The following CREB3L1 variants were observed in gnomAD, a reference collection of about 807,000 sequenced individuals.
CREB3L1 encodes the protein cyclic AMP-responsive element-binding protein 3-like protein 1.
In CREB3L1, 33 loss-of-function variants were observed where a neutral mutation model predicts 54.5. The observed-to-expected ratio is 0.61, with a 90% confidence interval of 0.46 to 0.81. The LOEUF is 0.81. CREB3L1 is among the 30% of genes least tolerant of loss of function. The pLI is 0.00. For missense variants in CREB3L1, 656 were observed against 673.3 expected, an observed-to-expected ratio of 0.97 and a Z score of 0.29; for synonymous variants, 284 against 286.4, an observed-to-expected ratio of 0.99 and a Z score of 0.08.
chr11:46,317,315 GC>G (rs1470817821), intron 9 of CREB3L1, 45 bp from the exon 10 acceptor site: 6 of 1,610,256 alleles, frequency 3.7e-6, no homozygotes. Flanking sequence ...CAGGGCCGTG[GC>G]CCCTCCTTAC....
rs928574776 is a variant in CREB3L1 at position 46,320,920 on chromosome 11, C to G, written c.*174C>G. 1 of 744,608 alleles carries G rather than the reference C, an allele frequency of 1.3e-6. No homozygotes were observed. The highest frequency in any genetic ancestry group is 2.7e-5 in the East Asian group (1 of 37,352). The allele number at this position is 744,608 out of a possible 1,614,324, so 46.1% of individuals were successfully genotyped here. ...TGACATTTGGACTCTTCCCTTGGGCCGACCACTCTGTTCTCATTCTCCTTC... is the reference window on the plus strand; with the variant it reads ...TGACATTTGGACTCTTCCCTTGGGCGGACCACTCTGTTCTCATTCTCCTTC... On this transcript the variant is annotated 3_prime_UTR_variant, in exon 12 of 12. Coordinates refer to ENST00000621158, the MANE Select transcript of CREB3L1 (RefSeq NM_052854.4).
At chr11:46,300,921 C>T (rs1939288966) in intron 2 of CREB3L1, among the ~76,000 whole-genome samples, 1 of 146,766 alleles carries the variant, frequency 6.8e-6, no homozygotes, top group Admixed American at 7.1e-5. Context: ...AGGAGAATGG[C>T]GTGAACCCGG....
chr11:46,277,800 C>G lies in CREB3L1; in HGVS notation c.-312C>G. 2 of 290,216 alleles carry G rather than the reference C, an allele frequency of 6.9e-6. No homozygotes were observed. The highest frequency in any genetic ancestry group is 1.3e-5 in the Non-Finnish European group (2 of 156,020). The allele number at this position is 290,216 out of a possible 1,614,324, so 18.0% of individuals were successfully genotyped here. A position where few individuals can be genotyped will look rare whatever the true frequency, so the allele number is the denominator to read the frequency against. ...CCGGGGGGCTCCTGAAGCCCTCAGC[C>G]CCAACCCCGGGCTCCCCATGGAAGC... On this transcript the variant is annotated 5_prime_UTR_variant, in exon 1 of 12. Transcript: ENST00000621158.
intron 1 of CREB3L1, among the ~76,000 whole-genome samples, chr11:46,286,411 A>C (rs1396006851): frequency 6.6e-6 from 1 of 152,198 alleles, no homozygotes; most frequent in African/African-American, 2.4e-5. Context: ...CTTTTCTATT[A>C]TGATATCTTG....
chr11:46,297,766 TTTGTTTGGAGGGAAAGGCCA>T, intron 1 of CREB3L1, among the ~76,000 whole-genome samples: 1 of 152,198 alleles, frequency 6.6e-6, no homozygotes, highest in Admixed American at 6.5e-5. Context: ...CTCATCAGGC[TTTGTTTGGAGGGAAAGGCCA>T]AACATTCCCC....
rs559372089 is a variant in CREB3L1, at chr11:46,303,836, A to C, written c.331+3673A>C. Among the ~76,000 whole-genome samples, 11 of 152,186 alleles carry C rather than the reference A, an allele frequency of 7.2e-5. No individual in the cohort carries two copies. The South Asian group carries it at 1.9e-3, about 26-fold the overall frequency. Reference sequence around the variant, plus strand: ...GGCAACATAGCAAAACACCTTCTCCACAAAATTAAAAATTAAAAAATTAGC... The same window carrying C: ...GGCAACATAGCAAAACACCTTCTCCCCAAAATTAAAAATTAAAAAATTAGC... On this transcript the variant is annotated intron_variant, in intron 2 of 11. Transcript: ENST00000621158.
chr11:46,308,163 C>T (rs1939430338), intron 3 of CREB3L1, among the ~76,000 whole-genome samples, 163 bp downstream of exon 3: 1 of 149,682 alleles, frequency 6.7e-6, no homozygotes, highest in Non-Finnish European at 1.5e-5. Flanking sequence ...CCTCCGCCTA[C>T]CCCCCTGGCT....
At position 46,300,108 on chromosome 11, in the gene CREB3L1, C is replaced by T. The variant is rs749115294; in HGVS notation, c.276C>T (p.Gly92=). ...IQAEHSYSLS[G]DSAPQSPLVP... is the part of the protein sequence containing the mutation. The stretch of plus-strand genomic sequence containing the variant: ...CGGAGCACAGCTACTCCCTGAGCGG[C>T]GACTCAGCGCCCCAGAGCCCCCTTG... Residue 92 remains glycine, a synonymous_variant, in exon 2 of 12, where the codon GGC becomes GGT. Coordinates refer to ENST00000621158, the MANE Select transcript of CREB3L1 (RefSeq NM_052854.4). The T allele has an allele frequency of 1.4e-5, 22 of 1,613,648 alleles. No homozygotes were observed. Among genetic ancestry groups the T allele is most frequent in the South Asian group, 5.5e-5 (5 of 91,040 alleles).
intron 1 of CREB3L1, among the ~76,000 whole-genome samples, chr11:46,287,798 A>T (rs1341625226): frequency 1.3e-5 from 2 of 152,126 alleles, no homozygotes; most frequent in Non-Finnish European, 2.9e-5. Context: ...CAACATGGTG[A>T]AACCACATCT....
rs187182284 is a variant in CREB3L1 at position 46,309,993 on chromosome 11, C to T, written c.521C>T (p.Pro174Leu). 36 of 1,599,258 alleles carry T rather than the reference C, an allele frequency of 2.3e-5. No homozygotes were observed. The highest frequency in any genetic ancestry group is 5.2e-5 in the Admixed American group (3 of 58,146). The change falls in exon 4 of 12, where the codon CCG becomes CTG. Residue 174 changes from proline to leucine, a missense_variant. Physicochemically the swap from Pro to Leu is moderately conservative, Grantham distance 98. This residue lies in a region of CREB3L1 where 339 missense variants were observed against 331.5 expected (regional missense o/e 1.02). Coordinates refer to ENST00000621158, the MANE Select transcript of CREB3L1 (RefSeq NM_052854.4). Reference sequence around the variant, plus strand: ...CTGGGCTTGTCTGTTCCTCAGGCCCCGGGAGAGATGACTCAGCTGCCAGTG... The same window carrying T: ...CTGGGCTTGTCTGTTCCTCAGGCCCTGGGAGAGATGACTCAGCTGCCAGTG... Reference protein sequence around the residue: ...LSRLPIPHQAPGEMTQLPVIK... With the variant: ...LSRLPIPHQALGEMTQLPVIK...
rs1441614086 is a variant in CREB3L1 at position 46,295,643 on chromosome 11, C to T, written c.103-4292C>T. ...CCTCCGGTGCCCTCCACGCCGCCACCGGCTGCTGCTCGCAGCCTCCCGCCA... is the reference window on the plus strand; with the variant it reads ...CCTCCGGTGCCCTCCACGCCGCCACTGGCTGCTGCTCGCAGCCTCCCGCCA... On this transcript the variant is annotated intron_variant, in intron 1 of 11. Coordinates refer to ENST00000621158, the MANE Select transcript of CREB3L1 (RefSeq NM_052854.4). This position sits in a 1 kb window ranked among gnomAD's most constrained non-coding sequence, Gnocchi z 4.6. 2.0e-5 allele frequency among the ~76,000 whole-genome samples: 3 copies of T among 152,236 alleles called. No homozygotes were observed. Among genetic ancestry groups the T allele is most frequent in the Admixed American group, 2.0e-4 (3 of 15,292 alleles).
Position 46,321,093 on chromosome 11 carries a change from T to G in CREB3L1, c.*347T>G. 3.8e-6 allele frequency: 2 copies of G among 531,096 alleles called. No homozygotes were observed. Among genetic ancestry groups the G allele is most frequent in the Non-Finnish European group, 6.9e-6 (2 of 289,620 alleles). The allele number at this position is 531,096 out of a possible 1,614,324, so 32.9% of individuals were successfully genotyped here. A position where few individuals can be genotyped will look rare whatever the true frequency, so the allele number is the denominator to read the frequency against. ...ACGCACCCCACTCACAGACACCCCT[T>G]ACCCCACCCCCACTGTACAGAGACC... On this transcript the variant is annotated 3_prime_UTR_variant, in exon 12 of 12. Transcript: ENST00000621158.
intron 8 of CREB3L1, chr11:46,316,071 C>T (rs1422664832): frequency 2.0e-6 from 1 of 490,742 alleles, no homozygotes; most frequent in Non-Finnish European, 3.6e-6. Flanking sequence ...CAGGCCTGAG[C>T]TTCCACAAGG....
At chr11:46,302,608 G>A (rs1939319760) in intron 2 of CREB3L1, among the ~76,000 whole-genome samples, 1 of 152,208 alleles carries the variant, frequency 6.6e-6, no homozygotes, top group African/African-American at 2.4e-5. Flanking sequence ...TTGCCTTCAT[G>A]TTAATTATCA....
At chr11:46,301,061 TC>T (rs1162978193) in intron 2 of CREB3L1, among the ~76,000 whole-genome samples, 1 of 140,858 alleles carries the variant, frequency 7.1e-6, no homozygotes, top group African/African-American at 2.7e-5. Context: ...GTGCCTGTAA[TC>T]CCAGCTACTC....
At chr11:46,283,157 C>T (rs1939004641) in intron 1 of CREB3L1, among the ~76,000 whole-genome samples, 1 of 152,106 alleles carries the variant, frequency 6.6e-6, no homozygotes, top group Non-Finnish European at 1.5e-5. Context: ...CATCACTGCA[C>T]TCCAGCCTGG....
chr11:46,299,856 T>C lies in CREB3L1; in HGVS notation c.103-79T>C. On this transcript the variant is annotated intron_variant, in intron 1 of 11. Coordinates refer to ENST00000621158, the MANE Select transcript of CREB3L1 (RefSeq NM_052854.4). ...GACAGTGGTGGCCATGGTGGGGTGC[T>C]GCACCACCACAGTAGCACCTGCACC... is the stretch of plus-strand genomic sequence containing the variant. The C allele has an allele frequency of 3.0e-6, 3 of 1,007,894 alleles. No homozygotes were observed. In the South Asian group the frequency reaches 4.0e-5, roughly 14 times the overall value. The allele number at this position is 1,007,894 out of a possible 1,614,324, so 62.4% of individuals were successfully genotyped here.
rs534917624 is a variant in CREB3L1 at position 46,310,247 on chromosome 11, T to G, written c.595+180T>G. Among the ~76,000 whole-genome samples the G allele has an allele frequency of 2.5e-3, 344 of 137,908 alleles. No individual in the cohort carries two copies. The highest frequency in any genetic ancestry group is 0.011 in the African/African-American group (321 of 29,500). The allele number at this position is 137,908 out of a possible 152,430, so 90.5% of individuals were successfully genotyped here. A position where few individuals can be genotyped will look rare whatever the true frequency, so the allele number is the denominator to read the frequency against. On this transcript the variant is annotated intron_variant, in intron 4 of 11. Transcript: ENST00000621158. ...CCCACTCTTCGTCTAGTCCTCTTCG[T>G]TTTTGTTTTTTGTTTGTTTGTTTGT...
chr11:46,293,383 C>A (rs775582639), intron 1 of CREB3L1, among the ~76,000 whole-genome samples: 1 of 152,166 alleles, frequency 6.6e-6, no homozygotes, highest in Non-Finnish European at 1.5e-5. Flanking sequence ...TGGACCACAG[C>A]GCATGGGCTG....
Sources: gnomAD v4.1 joint callset for allele counts (sites outside exome capture counted in the v4.1 genomes callset) on GRCh38, gnomAD v4.1.1 for gene constraint, gnomAD v4.1.1 regional missense constraint, Gnocchi (gnomAD v3.1) non-coding constraint, MANE v1.5 for transcripts, NCBI Gene and HGNC (gene_info 2026-07-23, HGNC 2026-07-21) for gene names.